CHD6: variants seen among roughly 807,000 people sequenced by gnomAD.
CHD6 encodes the protein chromodomain helicase DNA binding protein 6, also known as ATP-dependent chromatin remodeler CHD6.
In CHD6, 50 loss-of-function variants were observed where a neutral mutation model predicts 276.9. The ratio of observed to expected loss-of-function variants is 0.18; its 90% CI spans 0.14 to 0.23. CHD6 has a LOEUF of 0.23. Ranked by LOEUF, CHD6 falls within the 10% of genes least tolerant of loss-of-function variation. The pLI, the probability that CHD6 is intolerant of heterozygous loss-of-function variation, is 1.00. For synonymous variants in CHD6, 1,173 were observed against 1,229.3 expected (o/e 0.95, Z 0.96); for missense variants, 2,564 against 3,365.8 (o/e 0.76, Z 5.89).
intron 5 of CHD6, among the ~76,000 whole-genome samples, chr20:41,503,971 G>C (rs2043904770): frequency 2.0e-5 from 3 of 150,200 alleles, no homozygotes; most frequent in Non-Finnish European, 4.4e-5. Flanking sequence ...ACATCTACTT[G>C]GGAGGCTGAG....
intron 1 of CHD6, among the ~76,000 whole-genome samples, chr20:41,585,462 C>G (rs928158219): frequency 1.3e-5 from 2 of 148,556 alleles, no homozygotes; most frequent in South Asian, 2.1e-4. Context: ...GAGCCAAGAT[C>G]GCACCATTGC....
At chr20:41,554,452 G>A (rs2045191443) in intron 1 of CHD6, among the ~76,000 whole-genome samples, 1 of 151,478 alleles carries the variant, frequency 6.6e-6, no homozygotes, top group South Asian at 2.1e-4. Flanking sequence ...GGATTTGGCA[G>A]GGTCATAGGA....
chr20:41,420,874 T>C lies in CHD6; in HGVS notation c.5761A>G (p.Asn1921Asp). Residue 1921 changes from asparagine (N) to aspartate (D), a missense_variant, in exon 31 of 37, where the codon AAC becomes GAC. Around this residue, in one of 7 missense-constraint regions of CHD6, gnomAD observed 1,024 missense variants for 1,047.9 expected, o/e 0.98. Transcript: ENST00000373233. ...GCCCTCTGTAGCCCAGGAGTCTGGT[T>C]TGCCACCTCTAAGCTTCCTTTCTTG... The part of the protein sequence containing the change: ...ETKKGSLEVA[N>D]QTPGLQRAFP... 6.2e-7 allele frequency: 1 copy of C among 1,614,188 alleles called. No individual in the cohort carries two copies. The highest frequency in any genetic ancestry group is 1.1e-5 in the South Asian group (1 of 91,086).
In CHD6 at chr20:41,420,935, G is replaced by C; in HGVS notation, c.5700C>G (p.Ile1900Met). The C allele has an allele frequency of 1.2e-6, 2 of 1,614,164 alleles. No homozygotes were observed. Among genetic ancestry groups the C allele is most frequent in the East Asian group, 2.2e-5 (1 of 44,884 alleles). ...VLHLTEPTTNISREKNQGFQD... is the reference protein window; with the variant it reads ...VLHLTEPTTNMSREKNQGFQD... The stretch of plus-strand genomic sequence containing the variant: ...GGAAGCCTTGGTTCTTTTCCCTTGA[G>C]ATGTTAGTAGTGGGCTCCGTGAGAT... Residue 1900 changes from isoleucine to methionine, a missense_variant, in exon 31 of 37, where the codon ATC (isoleucine) becomes ATG (methionine). Ile to Met is a conservative substitution (Grantham distance 10). This residue lies in a region of CHD6 where 1,024 missense variants were observed against 1,047.9 expected (regional missense o/e 0.98). Coordinates refer to ENST00000373233, the MANE Select transcript of CHD6 (RefSeq NM_032221.5).
intron 3 of CHD6, among the ~76,000 whole-genome samples, chr20:41,521,387 C>T (rs1016738383): frequency 1.2e-4 from 18 of 151,988 alleles, no homozygotes; most frequent in African/African-American, 2.9e-4. Flanking sequence ...ATTAAGCAAA[C>T]GAGTGAACGT....
intron 28 of CHD6, 135 bp from the exon 29 acceptor site, chr20:41,425,529 C>G: frequency 1.1e-6 from 1 of 918,780 alleles, no homozygotes; most frequent in South Asian, 1.7e-5. Context: ...AATAATTGGC[C>G]CAGGAGCAAG....
intron 1 of CHD6, among the ~76,000 whole-genome samples, chr20:41,557,969 T>G (rs1474068537): frequency 6.6e-6 from 1 of 152,148 alleles, no homozygotes; most frequent in Non-Finnish European, 1.5e-5. Flanking sequence ...ACCATGGGGA[T>G]TTTAGGAATA....
intron 1 of CHD6, among the ~76,000 whole-genome samples, chr20:41,590,519 A>G (rs1183282300): frequency 6.6e-6 from 1 of 152,244 alleles, no homozygotes; most frequent in Non-Finnish European, 1.5e-5. Context: ...ATTTACAAGA[A>G]AAAAACAACC....
Position 41,402,415 on chromosome 20 carries a change from C to A in CHD6, c.*2178G>T. On this transcript the variant is annotated 3_prime_UTR_variant, in exon 37 of 37. Coordinates refer to ENST00000373233, the MANE Select transcript of CHD6 (RefSeq NM_032221.5). ...TCCATAAGGATAACAAGGGATTGAG[C>A]ATGCTGGTGGGTTTTTAAGTCAGAT... The A allele has an allele frequency of 4.3e-6, 1 of 230,206 alleles. No individual in the cohort carries two copies. The highest frequency in any genetic ancestry group is 8.6e-6 in the Non-Finnish European group (1 of 116,166). 14.3% of individuals were successfully genotyped at this position (230,206 alleles called of 1,614,324 possible). A position where few individuals can be genotyped will look rare whatever the true frequency, so the allele number is the denominator to read the frequency against.
At chr20:41,414,809 C>T (rs1198817888) in intron 34 of CHD6, 5 of 1,129,546 alleles carry the variant, frequency 4.4e-6, no homozygotes, top group Non-Finnish European at 5.4e-6. Flanking sequence ...GACTCCTGTT[C>T]TTTCTCCCAT....
At chr20:41,553,878 A>G (rs1186399075) in intron 1 of CHD6, among the ~76,000 whole-genome samples, 1 of 152,328 alleles carries the variant, frequency 6.6e-6, no homozygotes, top group African/African-American at 2.4e-5. Context: ...GGTCAGGTAC[A>G]ATGGCTCACA....
At chr20:41,518,304 GCCCA>G (rs1204479872) in intron 3 of CHD6, among the ~76,000 whole-genome samples, 2 of 152,148 alleles carry the variant, frequency 1.3e-5, no homozygotes, top group Non-Finnish European at 2.9e-5. Flanking sequence ...GTGCGCGCGT[GCCCA>G]CATGCTAGAA....
intron 14 of CHD6, among the ~76,000 whole-genome samples, 189 bp downstream of exon 14, chr20:41,487,476 G>A (rs2043444093): frequency 6.6e-6 from 1 of 152,136 alleles, no homozygotes; most frequent in Non-Finnish European, 1.5e-5. Context: ...TCTATCCTCT[G>A]GGGCAATAAG....
chr20:41,574,865 C>G (rs566788412), intron 1 of CHD6, among the ~76,000 whole-genome samples: 1 of 152,262 alleles, frequency 6.6e-6, no homozygotes, highest in South Asian at 2.1e-4. Context: ...ACAGCTAAAG[C>G]CAAAGGAAAA....
At chr20:41,564,876 T>C (rs1306972494) in intron 1 of CHD6, among the ~76,000 whole-genome samples, 1 of 152,116 alleles carries the variant, frequency 6.6e-6, no homozygotes, top group East Asian at 1.9e-4. Context: ...TTGAATTGAA[T>C]CTTCTATGTA....
chr20:41,437,414 G>A, intron 26 of CHD6, 80 bp from the exon 27 acceptor site: 1 of 898,726 alleles, frequency 1.1e-6, no homozygotes, highest in Admixed American at 2.4e-5. Flanking sequence ...GTCAACCACA[G>A]TCCAAAAATA....
chr20:41,521,388 G>A (rs369208921), intron 3 of CHD6, among the ~76,000 whole-genome samples: 2 of 152,126 alleles, frequency 1.3e-5, no homozygotes, highest in South Asian at 2.1e-4. Flanking sequence ...TTAAGCAAAC[G>A]AGTGAACGTA....
Position 41,488,459 on chromosome 20 carries a change from T to C in CHD6, c.1826A>G (p.Lys609Arg). 7.4e-6 allele frequency: 12 copies of C among 1,613,912 alleles called. No homozygotes were observed. The highest frequency in any genetic ancestry group is 1.0e-5 in the Non-Finnish European group (12 of 1,179,852). ...CATAAGCTTTAGACCCTCCAGAAGTTTGCAGTTCCTATTCTTCAGTCTGTG... is the reference window on the plus strand; with the variant it reads ...CATAAGCTTTAGACCCTCCAGAAGTCTGCAGTTCCTATTCTTCAGTCTGTG... ...EAHRLKNRNC[K>R]LLEGLKLMAL... Residue 609 changes from lysine to arginine, a missense_variant, in exon 13 of 37, where the codon AAA becomes AGA. Lys to Arg is a conservative substitution (Grantham distance 26, BLOSUM62 2). This residue lies in a region of CHD6 where 457 missense variants were observed against 889.0 expected (regional missense o/e 0.51). Coordinates refer to ENST00000373233, the MANE Select transcript of CHD6 (RefSeq NM_032221.5).
At position 41,417,339 on chromosome 20, in the gene CHD6, C is replaced by T. The variant is rs762525197; in HGVS notation, c.6138G>A (p.Gly2046=). 3 of 1,612,516 alleles carry T rather than the reference C, an allele frequency of 1.9e-6. No homozygotes were observed. The South Asian group carries it at 3.3e-5, about 18-fold the overall frequency. Residue 2046 remains glycine, a synonymous_variant, in exon 32 of 37, where the codon GGG becomes GGA. Transcript: ENST00000373233. The part of the protein sequence containing the change: ...DGNCHSQDYP[G]KYSEEESKSS... ...TCTTGCTCTCCTCTTCAGAGTACTT[C>T]CCTGGATAATCTGGGAAGAGGTTAA...
Sources: allele counts gnomAD v4.1 joint callset (sites outside exome capture counted in the v4.1 genomes callset), GRCh38; gene constraint gnomAD v4.1.1; regional missense constraint gnomAD v4.1.1; transcripts MANE v1.5; gene names NCBI Gene and HGNC (gene_info 2026-07-23, HGNC 2026-07-21).